NFIB: variants seen among roughly 807,000 people sequenced by gnomAD.
The protein encoded by NFIB is nuclear factor I B.
Under a neutral mutation model 61.5 loss-of-function variants are expected in NFIB, and 11 were observed. That is an observed-to-expected ratio of 0.18 (90% confidence interval 0.11 to 0.30). The LOEUF (loss-of-function observed/expected upper bound fraction) is 0.30, where lower values mean the gene tolerates loss of function less well. Ranked by LOEUF, NFIB falls within the 10% of genes least tolerant of loss-of-function variation. NFIB has a pLI of 1.00. For synonymous variants in NFIB, 260 were observed against 216.5 expected (o/e 1.20, Z -1.76); for missense variants, 471 against 608.9 (o/e 0.77, Z 2.38).
At chr9:14,114,239 TA>T (rs1471810101) in intron 9 of NFIB, among the ~76,000 whole-genome samples, 1 of 152,166 alleles carries the variant, frequency 6.6e-6, no homozygotes, top group Non-Finnish European at 1.5e-5. Context: ...TGCTCCTGAA[TA>T]AGGGGACATG....
the NFIB span, among the ~76,000 whole-genome samples, chr9:14,460,787 T>G: frequency 6.6e-6 from 1 of 152,138 alleles, no homozygotes; most frequent in Non-Finnish European, 1.5e-5. Context: ...CCATGGCTCC[T>G]CATTGCCCTA....
the NFIB span, among the ~76,000 whole-genome samples, chr9:14,454,887 G>A: frequency 6.6e-6 from 1 of 152,146 alleles, no homozygotes; most frequent in Admixed American, 6.5e-5. Context: ...TTTCCCCTAT[G>A]TCAAGACACC....
chr9:14,394,091 C>A (rs752119974), intron 1 of NFIB, among the ~76,000 whole-genome samples: 2 of 152,154 alleles, frequency 1.3e-5, no homozygotes, highest in Non-Finnish European at 2.9e-5. Flanking sequence ...AGATGCCTAC[C>A]ACATGCCAGG....
intron 2 of NFIB, among the ~76,000 whole-genome samples, chr9:14,231,632 T>G (rs1358860245): frequency 1.3e-5 from 2 of 152,190 alleles, no homozygotes; most frequent in African/African-American, 4.8e-5. Flanking sequence ...TTTTCTACCT[T>G]GCTGGTATGA....
chr9:14,291,462 G>A (rs1353676260), intron 2 of NFIB, among the ~76,000 whole-genome samples: 1 of 152,122 alleles, frequency 6.6e-6, no homozygotes, highest in African/African-American at 2.4e-5. Context: ...TCCAGTCTGG[G>A]CGACAGAGAC....
the NFIB span, among the ~76,000 whole-genome samples, chr9:14,520,932 T>C: frequency 1.3e-5 from 2 of 152,302 alleles, no homozygotes; most frequent in African/African-American, 4.8e-5. Flanking sequence ...TAGTCAGGAC[T>C]CAGAGGTTAA....
the NFIB span, among the ~76,000 whole-genome samples, chr9:14,513,129 C>T: frequency 2.0e-5 from 3 of 151,876 alleles, no homozygotes; most frequent in African/African-American, 7.3e-5. Context: ...TTAAAAATAC[C>T]TCTTATTCAG....
chr9:14,464,002 G>C, the NFIB span, among the ~76,000 whole-genome samples: 1 of 152,180 alleles, frequency 6.6e-6, no homozygotes, highest in African/African-American at 2.4e-5. Flanking sequence ...TGGGGTCTGA[G>C]GCTGCTTGTA....
At chr9:14,162,826 T>G (rs993887880) in intron 3 of NFIB, among the ~76,000 whole-genome samples, 1 of 152,120 alleles carries the variant, frequency 6.6e-6, no homozygotes, top group African/African-American at 2.4e-5. Flanking sequence ...TTTTTCAGAT[T>G]TATAAATTTA....
rs1045099853 is a variant in NFIB, at chr9:14,305,887, C to G, written c.562+1102G>C. 1.7e-5 allele frequency: 14 copies of G among 816,294 alleles called. No homozygotes were observed. The African/African-American group carries it at 2.5e-4, about 15-fold the overall frequency. 50.6% of individuals were successfully genotyped at this position (816,294 alleles called of 1,614,324 possible). A position where few individuals can be genotyped will look rare whatever the true frequency, so the allele number is the denominator to read the frequency against. On this transcript the variant is annotated intron_variant, in intron 2 of 10. Coordinates refer to ENST00000380953, the MANE Select transcript of NFIB (RefSeq NM_001190737.2). ...CAGGCCAAGTTTGGAAATGACCTAC[C>G]ATCTGTGACAGCTCAAACTTCAGTC... is the stretch of plus-strand genomic sequence containing the variant.
intron 2 of NFIB, among the ~76,000 whole-genome samples, chr9:14,221,938 C>T (rs1190688957): frequency 2.0e-5 from 3 of 152,142 alleles, no homozygotes; most frequent in African/African-American, 7.2e-5. Flanking sequence ...AAAAAGGCTG[C>T]CCTGTTTAAG....
At chr9:14,139,077 G>A (rs1218617572) in intron 6 of NFIB, among the ~76,000 whole-genome samples, 2 of 152,246 alleles carry the variant, frequency 1.3e-5, no homozygotes, top group East Asian at 3.9e-4. Context: ...GACTTGCGAA[G>A]CAGTGTTTAA....
the NFIB span, among the ~76,000 whole-genome samples, chr9:14,482,859 A>C: frequency 6.6e-6 from 1 of 152,344 alleles, no homozygotes; most frequent in African/African-American, 2.4e-5. Context: ...CATTGACTAC[A>C]TAATTTGTAT....
intron 1 of NFIB, chr9:14,398,509 G>A: frequency 6.6e-7 from 1 of 1,519,924 alleles, no homozygotes; most frequent in South Asian, 1.2e-5. Flanking sequence ...TTAAATTTGT[G>A]AAATTTAGAC....
chr9:14,151,476 T>C (rs1426533069), intron 4 of NFIB, among the ~76,000 whole-genome samples: 2 of 151,708 alleles, frequency 1.3e-5, no homozygotes, highest in East Asian at 4.0e-4. Context: ...AAAACATTCA[T>C]GCGAAACACA....
intron 1 of NFIB, among the ~76,000 whole-genome samples, chr9:14,335,386 G>C (rs1241589433): frequency 6.6e-6 from 1 of 152,178 alleles, no homozygotes; most frequent in African/African-American, 2.4e-5. Context: ...AGCCATTCTA[G>C]TAAGTATGTA....
rs576536894 is a variant in NFIB, at chr9:14,263,927, G to C, written c.562+43062C>G. Among the ~76,000 whole-genome samples the C allele has an allele frequency of 2.6e-5, 4 of 152,248 alleles. No individual in the cohort carries two copies. The South Asian group carries it at 8.3e-4, about 32-fold the overall frequency. On this transcript the variant is annotated intron_variant, in intron 2 of 10. Coordinates refer to ENST00000380953, the MANE Select transcript of NFIB (RefSeq NM_001190737.2). ...TCCATGTCTCTCCTAAAACTTGCTG[G>C]AGGCAAAAAAGCAACCCTGAAAAAG...
At chr9:14,181,457 T>C (rs960612991) in intron 2 of NFIB, among the ~76,000 whole-genome samples, 92 of 152,338 alleles carry the variant, frequency 6.0e-4, no homozygotes, top group African/African-American at 2.1e-3. Context: ...AGTCCTCTTA[T>C]TACTTTTTCT....
intron 2 of NFIB, among the ~76,000 whole-genome samples, chr9:14,188,430 T>C (rs978516000): frequency 2.2e-4 from 34 of 152,204 alleles, no homozygotes; most frequent in African/African-American, 7.7e-4. Flanking sequence ...GGAAGAGTTT[T>C]ATGGCACGAT....
Sources: gnomAD v4.1 joint callset for allele counts (sites outside exome capture counted in the v4.1 genomes callset) on GRCh38, gnomAD v4.1.1 for gene constraint, MANE v1.5 for transcripts, NCBI Gene and HGNC (gene_info 2026-07-23, HGNC 2026-07-21) for gene names.